TEX36: variants seen among roughly 807,000 people sequenced by gnomAD.
The protein encoded by TEX36 is testis expressed 36, also known as testis-expressed protein 36.
Under a neutral mutation model 13.6 loss-of-function variants are expected in TEX36, and 12 were observed. That is an observed-to-expected ratio of 0.88 (90% confidence interval 0.56 to 1.43). The LOEUF is 1.43. TEX36 is among the 40% of genes most tolerant of loss of function. TEX36 has a pLI of 0.00. For missense variants in TEX36, 224 were observed against 228.3 expected (o/e 0.98, Z 0.12); for synonymous variants, 93 against 83.0 (o/e 1.12, Z -0.65).
intron 3 of TEX36, among the ~76,000 whole-genome samples, chr10:125,607,259 G>T (rs1432173807): frequency 6.6e-6 from 1 of 152,208 alleles, no homozygotes; most frequent in Non-Finnish European, 1.5e-5. Flanking sequence ...CAGGATAAGT[G>T]CAAGGCATTT....
At chr10:125,670,519 T>A (rs1348162945) in intron 1 of TEX36, among the ~76,000 whole-genome samples, 3 of 152,320 alleles carry the variant, frequency 2.0e-5, no homozygotes, top group Admixed American at 6.5e-5. Context: ...TTGCAAAAAA[T>A]TTCTCTCATT....
At chr10:125,673,871 A>C (rs894279168) in intron 1 of TEX36, among the ~76,000 whole-genome samples, 24 of 151,372 alleles carry the variant, frequency 1.6e-4, no homozygotes, top group African/African-American at 5.6e-4. Context: ...CTTCATTTCC[A>C]CGTTGGAGAA....
intron 3 of TEX36, among the ~76,000 whole-genome samples, chr10:125,594,335 G>A (rs372207085): frequency 3.9e-5 from 6 of 152,308 alleles, no homozygotes; most frequent in African/African-American, 9.6e-5. Context: ...GAGAGCAGAT[G>A]TAGTAAAATT....
At chr10:125,639,632 G>C (rs779969194) in intron 3 of TEX36, among the ~76,000 whole-genome samples, 52 of 152,046 alleles carry the variant, frequency 3.4e-4, no homozygotes, top group Admixed American at 2.1e-3. Context: ...AGGGTGGGAG[G>C]GGCTGTGGCC....
chr10:125,586,660 A>G lies in TEX36; in HGVS notation c.265-9786T>C, dbSNP rs531635029. ...CAAAAAAAAAAAAAAAAAAAAAATT[A>G]GCCAGGCATGGTGTCACACACTTGT... On this transcript the variant is annotated intron_variant, in intron 3 of 3. Transcript: ENST00000532135. Among the ~76,000 whole-genome samples, 6 of 140,382 alleles carry G rather than the reference A, an allele frequency of 4.3e-5. No homozygotes were observed. The East Asian group carries it at 1.0e-3, about 24-fold the overall frequency. The allele number at this position is 140,382 out of a possible 152,430, so 92.1% of individuals were successfully genotyped here. A position where few individuals can be genotyped will look rare whatever the true frequency, so the allele number is the denominator to read the frequency against.
intron 3 of TEX36, among the ~76,000 whole-genome samples, chr10:125,583,430 T>C (rs1229194728): frequency 1.3e-5 from 2 of 151,820 alleles, no homozygotes; most frequent in Admixed American, 6.6e-5. Flanking sequence ...AACGCTGTGT[T>C]TTTGCATAGC....
At chr10:125,631,530 G>C (rs1280736165) in intron 3 of TEX36, among the ~76,000 whole-genome samples, 1 of 152,220 alleles carries the variant, frequency 6.6e-6, no homozygotes, top group African/African-American at 2.4e-5. Context: ...AGCCAGAGGA[G>C]GATGCAACTC....
intron 3 of TEX36, among the ~76,000 whole-genome samples, chr10:125,648,960 A>G (rs1423348134): frequency 6.6e-6 from 1 of 152,224 alleles, no homozygotes; most frequent in Non-Finnish European, 1.5e-5. Context: ...TTAGAGAAAA[A>G]AGAGTAAAAA....
intron 3 of TEX36, among the ~76,000 whole-genome samples, chr10:125,601,402 T>C (rs1305271697): frequency 6.6e-6 from 1 of 152,268 alleles, no homozygotes; most frequent in Non-Finnish European, 1.5e-5. Context: ...CTTTTAGCCA[T>C]ATAGCCCCAA....
At chr10:125,585,058 G>A (rs1021472909) in intron 3 of TEX36, among the ~76,000 whole-genome samples, 4 of 152,184 alleles carry the variant, frequency 2.6e-5, no homozygotes, top group African/African-American at 4.8e-5. Context: ...TCTTAGGGAG[G>A]TGCAAGCTCC....
At chr10:125,629,755 C>G (rs1443796942) in intron 3 of TEX36, among the ~76,000 whole-genome samples, 1 of 152,124 alleles carries the variant, frequency 6.6e-6, no homozygotes, top group Admixed American at 6.5e-5. Flanking sequence ...TTCTTCAAAA[C>G]CGAAGTCTAT....
chr10:125,681,801 C>T (rs755655755), intron 1 of TEX36, among the ~76,000 whole-genome samples: 28 of 152,136 alleles, frequency 1.8e-4, no homozygotes, highest in Non-Finnish European at 4.0e-4. Context: ...ACTCATTGTA[C>T]TGAGCACTTG....
At chr10:125,666,665 C>T (rs960194002) in intron 1 of TEX36, among the ~76,000 whole-genome samples, 1 of 152,010 alleles carries the variant, frequency 6.6e-6, no homozygotes, top group Non-Finnish European at 1.5e-5. Context: ...TCTCTCCCCG[C>T]CCCCCCTCCT....
chr10:125,674,715 C>A (rs868419289), intron 1 of TEX36, among the ~76,000 whole-genome samples: 3 of 152,230 alleles, frequency 2.0e-5, no homozygotes, highest in Non-Finnish European at 4.4e-5. Flanking sequence ...GAGGTCCATT[C>A]CAGACCCTAT....
chr10:125,593,777 C>G (rs576004158), intron 3 of TEX36, among the ~76,000 whole-genome samples: 1 of 152,204 alleles, frequency 6.6e-6, no homozygotes, highest in East Asian at 1.9e-4. Context: ...ACAGGGAATT[C>G]GTGTTTGATG....
At chr10:125,640,570 T>C (rs1481228792) in intron 3 of TEX36, among the ~76,000 whole-genome samples, 1 of 152,226 alleles carries the variant, frequency 6.6e-6, no homozygotes, top group Non-Finnish European at 1.5e-5. Flanking sequence ...TTGGTTTGTT[T>C]TGATGGGTAC....
chr10:125,588,958 A>G (rs1845990896), intron 3 of TEX36, among the ~76,000 whole-genome samples: 1 of 152,054 alleles, frequency 6.6e-6, no homozygotes, highest in Admixed American at 6.5e-5. Context: ...ATCCCTCATC[A>G]CCAATGGCTG....
chr10:125,678,721 C>G (rs181454204), intron 1 of TEX36, among the ~76,000 whole-genome samples: 59 of 152,102 alleles, frequency 3.9e-4, no homozygotes, highest in African/African-American at 1.3e-3. Context: ...ACATGGGGGC[C>G]AGCTGAGATG....
At chr10:125,586,684 G>T (rs1589741288) in intron 3 of TEX36, among the ~76,000 whole-genome samples, 1 of 149,642 alleles carries the variant, frequency 6.7e-6, no homozygotes, top group Non-Finnish European at 1.5e-5. Flanking sequence ...TCACACACTT[G>T]TAGTCCCAGC....
Sources: gnomAD v4.1 joint callset for allele counts (sites outside exome capture counted in the v4.1 genomes callset) on GRCh38, gnomAD v4.1.1 for gene constraint, MANE v1.5 for transcripts, NCBI Gene and HGNC (gene_info 2026-07-23, HGNC 2026-07-21) for gene names.